The following UBR2 variants were observed in gnomAD, a reference collection of about 807,000 sequenced individuals.
UBR2 encodes ubiquitin protein ligase E3 component n-recognin 2, also known as E3 ubiquitin-protein ligase UBR2.
Under a neutral mutation model 247.9 loss-of-function variants are expected in UBR2, and 92 were observed. That is an observed-to-expected ratio of 0.37 (90% CI 0.31 to 0.44). UBR2 has a LOEUF of 0.44. Among genes scored for constraint, UBR2 ranks in the 20% least tolerant of loss-of-function variants. UBR2 has a pLI of 1.00. For missense variants in UBR2, 1,613 were observed against 2,112.6 expected, an observed-to-expected ratio of 0.76 and a Z score of 4.64; for synonymous variants, 672 against 693.5, an observed-to-expected ratio of 0.97 and a Z score of 0.49.
chr6:42,597,598 CAAAAAA>C (rs34005192), intron 4 of UBR2, among the ~76,000 whole-genome samples: 1 of 131,822 alleles, frequency 7.6e-6, no homozygotes, highest in Admixed American at 7.7e-5. Context: ...ACTCTGTCTC[CAAAAAA>C]AAAAAAAAGT....
chr6:42,606,534 A>C lies in UBR2; in HGVS notation c.802-55A>C, dbSNP rs916919174. The C allele has an allele frequency of 6.8e-6, 10 of 1,479,528 alleles. No homozygotes were observed. In the Admixed American group the frequency reaches 1.0e-4, roughly 15 times the overall value. 91.7% of individuals were successfully genotyped at this position (1,479,528 alleles called of 1,614,324 possible). ...AAACATGTTTGTTTACTGGTTTAAA[A>C]GTTATTAATATTGAATACAATACTT... is the stretch of plus-strand genomic sequence containing the variant. On this transcript the variant is annotated intron_variant, in intron 6 of 46. Coordinates refer to ENST00000372901, the MANE Select transcript of UBR2 (RefSeq NM_001363705.2).
chr6:42,630,544 T>C (rs1489322504), intron 11 of UBR2, among the ~76,000 whole-genome samples: 1 of 152,026 alleles, frequency 6.6e-6, no homozygotes, highest in Non-Finnish European at 1.5e-5. Flanking sequence ...GTGCAGTATG[T>C]GAACCATCTC....
At chr6:42,583,490 A>T (rs1254428719) in intron 2 of UBR2, among the ~76,000 whole-genome samples, 1 of 145,332 alleles carries the variant, frequency 6.9e-6, no homozygotes, top group Non-Finnish European at 1.5e-5. Context: ...CATGTGATCC[A>T]CCCGCCTAGG....
At chr6:42,584,709 G>A (rs1037071449) in intron 2 of UBR2, among the ~76,000 whole-genome samples, 1 of 151,962 alleles carries the variant, frequency 6.6e-6, no homozygotes, top group African/African-American at 2.4e-5. Context: ...AAGTCTTATA[G>A]TTTTTATATA....
rs144565000 is a variant in UBR2 at position 42,676,813 on chromosome 6, C to T, written c.4418C>T (p.Pro1473Leu). Residue 1473 changes from proline (P) to leucine (L), a missense_variant, in exon 40 of 47, where the codon CCT becomes CTT. By Grantham distance (98) the Pro-to-Leu change is moderately conservative. Transcript: ENST00000372901. ...EENGMDQENP[P>L]CEEESAVLAL... Reference sequence around the variant, plus strand: ...AATGGCATGGATCAAGAAAATCCCCCTTGTGAAGAAGAATCAGCAGTTCTT... The same window carrying T: ...AATGGCATGGATCAAGAAAATCCCCTTTGTGAAGAAGAATCAGCAGTTCTT... The T allele has an allele frequency of 1.2e-4, 195 of 1,613,996 alleles. No homozygotes were observed. The African/African-American group carries it at 1.9e-3, about 15-fold the overall frequency.
chr6:42,613,113 A>AT (rs1794196137), intron 8 of UBR2, among the ~76,000 whole-genome samples: 1 of 152,078 alleles, frequency 6.6e-6, no homozygotes, highest in Non-Finnish European at 1.5e-5. Flanking sequence ...AAAAAAAAAA[A>AT]TTCCAGAGTC....
At chr6:42,672,920 T>C (rs1313418114) in intron 36 of UBR2, among the ~76,000 whole-genome samples, 1 of 152,072 alleles carries the variant, frequency 6.6e-6, no homozygotes, top group Non-Finnish European at 1.5e-5. Flanking sequence ...TCAATATTTA[T>C]TGAACCAAAC....
In UBR2 at chr6:42,582,152, G is replaced by A. The variant is rs193047969; in HGVS notation, c.338+8159G>A. The stretch of plus-strand genomic sequence containing the variant: ...CAAAAAATTAGCCGGGCGTGGTGGC[G>A]GGCACCTGTAGTCCCAGTTACTCGG... On this transcript the variant is annotated intron_variant, in intron 2 of 46. Transcript: ENST00000372901. Among the ~76,000 whole-genome samples, 194 of 151,778 alleles carry A rather than the reference G, an allele frequency of 1.3e-3. 1 individual carries two copies. The East Asian group carries it at 0.022, about 17-fold the overall frequency.
rs1798864763 is a variant in UBR2 at position 42,678,689 on chromosome 6, A to G, written c.4609+20A>G. The G allele has an allele frequency of 1.2e-6, 2 of 1,603,430 alleles. No individual in the cohort carries two copies. Among genetic ancestry groups the G allele is most frequent in the Non-Finnish European group, 1.7e-6 (2 of 1,176,592 alleles). ...TTCAAGGTAATTTATACTTTCTTTC[A>G]AAACGTAGGGAGAGTTAGTAATCCT... is the stretch of plus-strand genomic sequence containing the variant. On this transcript the variant is annotated intron_variant, in intron 41 of 46. Transcript: ENST00000372901.
intron 2 of UBR2, among the ~76,000 whole-genome samples, chr6:42,578,436 C>G (rs931492299): frequency 3.9e-5 from 6 of 152,040 alleles, no homozygotes; most frequent in Admixed American, 3.9e-4. Flanking sequence ...GTGTAATTCT[C>G]CTAAGTCTCA....
In UBR2 at chr6:42,619,438, TATATATATATATATA is replaced by T. The variant is rs1284934809; in HGVS notation, c.1281+1932_1281+1946del. On this transcript the variant is annotated intron_variant, in intron 11 of 46. Transcript: ENST00000372901. ...ATATATATATATATATATATATATA[TATATATATATATATA>T]TTTTTTTTTTTTAGTTCTCTATCTC... 30 of 29,962 alleles carry T rather than the reference TATATATATATATATA, an allele frequency of 1.0e-3. 3 individuals are homozygous for T. Among genetic ancestry groups the T allele is most frequent in the South Asian group, 5.4e-3 (5 of 920 alleles). 1.9% of individuals were successfully genotyped at this position (29,962 alleles called of 1,614,324 possible).
intron 11 of UBR2, among the ~76,000 whole-genome samples, chr6:42,618,946 A>G (rs1359142379): frequency 6.6e-6 from 1 of 152,192 alleles, no homozygotes; most frequent in Non-Finnish European, 1.5e-5. Flanking sequence ...TTGCTGAATG[A>G]TTAGCATTTG....
At chr6:42,571,025 T>C (rs1160034339) in intron 1 of UBR2, among the ~76,000 whole-genome samples, 4 of 150,502 alleles carry the variant, frequency 2.7e-5, no homozygotes, top group Non-Finnish European at 5.9e-5. Flanking sequence ...GATACTAGCG[T>C]CTGAATTTTT....
chr6:42,614,322 A>G (rs376125200), intron 8 of UBR2, among the ~76,000 whole-genome samples: 1 of 43,842 alleles, frequency 2.3e-5, no homozygotes, highest in Admixed American at 2.8e-4. Flanking sequence ...GGGTATGTAT[A>G]TATGTGTATA....
At chr6:42,644,717 C>T (rs1469457869) in intron 20 of UBR2, among the ~76,000 whole-genome samples, 181 bp downstream of exon 20, 1 of 151,966 alleles carries the variant, frequency 6.6e-6, no homozygotes, top group African/African-American at 2.4e-5. Context: ...GTAATAGCAC[C>T]GTGGTGCTTT....
chr6:42,678,940 G>A (rs1798878531), intron 41 of UBR2, among the ~76,000 whole-genome samples: 1 of 152,144 alleles, frequency 6.6e-6, no homozygotes, highest in African/African-American at 2.4e-5. Context: ...GCTTTCAGAT[G>A]TTAAAATGTT....
In UBR2 at chr6:42,676,942, A is replaced by G. The variant is rs781085009; in HGVS notation, c.4478+69A>G. 4.6e-4 allele frequency: 604 copies of G among 1,317,370 alleles called. 1 individual carries two copies. The Middle Eastern group carries it at 4.6e-3, about 10-fold the overall frequency. 81.6% of individuals were successfully genotyped at this position (1,317,370 alleles called of 1,614,324 possible). A position where few individuals can be genotyped will look rare whatever the true frequency, so the allele number is the denominator to read the frequency against. Reference sequence around the variant, plus strand: ...TAGATGATGATAGCATGAGAAAGGAATTCGTTTGTTAATTAGGGGAATTTG... The same window carrying G: ...TAGATGATGATAGCATGAGAAAGGAGTTCGTTTGTTAATTAGGGGAATTTG... On this transcript the variant is annotated intron_variant, in intron 40 of 46. Transcript: ENST00000372901.
chr6:42,618,980 A>G (rs942665632), intron 11 of UBR2, among the ~76,000 whole-genome samples: 2 of 152,112 alleles, frequency 1.3e-5, no homozygotes, highest in African/African-American at 4.8e-5. Flanking sequence ...TGATGCTTTT[A>G]GTTTAGTCAG....
chr6:42,687,896 C>T (rs992009757), intron 44 of UBR2, among the ~76,000 whole-genome samples: 1 of 146,580 alleles, frequency 6.8e-6, no homozygotes, highest in African/African-American at 2.7e-5. Context: ...ACGTTTATAA[C>T]TTTATTGATT....
Sources: gnomAD v4.1 joint callset for allele counts (sites outside exome capture counted in the v4.1 genomes callset) on GRCh38, gnomAD v4.1.1 for gene constraint, MANE v1.5 for transcripts, NCBI Gene and HGNC (gene_info 2026-07-23, HGNC 2026-07-21) for gene names.